TATDN1: variants seen among roughly 807,000 people sequenced by gnomAD.
TATDN1 encodes deoxyribonuclease TATDN1.
In TATDN1, 40 loss-of-function variants were observed where a neutral mutation model predicts 46.4. The ratio of observed to expected loss-of-function variants is 0.86; its 90% CI spans 0.67 to 1.12. TATDN1 has a LOEUF of 1.12. TATDN1 is among the 50% of genes most tolerant of loss of function. The pLI is 0.00. For synonymous variants in TATDN1, 95 were observed against 105.6 expected (o/e 0.90, Z 0.62); for missense variants, 326 against 348.4 (o/e 0.94, Z 0.51).
At chr8:124,538,736 G>A (rs946199614) in intron 1 of TATDN1, among the ~76,000 whole-genome samples, 2 of 152,200 alleles carry the variant, frequency 1.3e-5, no homozygotes, top group Non-Finnish European at 2.9e-5. Flanking sequence ...CCTTTTTGGA[G>A]TTTTCTTCTT....
intron 1 of TATDN1, among the ~76,000 whole-genome samples, chr8:124,538,021 T>A (rs1821625850): frequency 6.6e-6 from 1 of 152,186 alleles, no homozygotes; most frequent in Admixed American, 6.5e-5. Context: ...CCAGACCACA[T>A]TCCCAATTGC....
intron 1 of TATDN1, among the ~76,000 whole-genome samples, chr8:124,531,387 C>A (rs570756197): frequency 2.6e-5 from 4 of 152,130 alleles, no homozygotes; most frequent in Non-Finnish European, 5.9e-5. Flanking sequence ...TTTCAATGAT[C>A]CCATTAGACT....
intron 6 of TATDN1, among the ~76,000 whole-genome samples, chr8:124,509,468 C>A (rs1353895214): frequency 6.6e-6 from 1 of 152,190 alleles, no homozygotes; most frequent in Non-Finnish European, 1.5e-5. Flanking sequence ...AACGAATGTT[C>A]ATTCTGTTTG....
At position 124,493,824 on chromosome 8, in the gene TATDN1, A is replaced by C. The variant is rs201137773; in HGVS notation, c.791+9T>G. The C allele has an allele frequency of 6.8e-5, 108 of 1,589,502 alleles. No individual in the cohort carries two copies. Among genetic ancestry groups the C allele is most frequent in the Non-Finnish European group, 8.9e-5 (105 of 1,173,294 alleles). The stretch of plus-strand genomic sequence containing the variant: ...ATGATTTTGAAGACCATGAAAGCAA[A>C]ATACTCACATTATATGGCAGGGTTC... On this transcript the variant is annotated intron_variant, in intron 11 of 11. Coordinates refer to ENST00000276692, the MANE Select transcript of TATDN1 (RefSeq NM_032026.4).
intron 8 of TATDN1, among the ~76,000 whole-genome samples, chr8:124,506,334 CA>C (rs56023168): frequency 2.1e-3 from 110 of 52,522 alleles, no homozygotes; most frequent in South Asian, 5.3e-3. Flanking sequence ...GGCTCTGTCT[CA>C]AAAAAAAAAA....
At chr8:124,530,080 G>A (rs1342362751) in intron 1 of TATDN1, among the ~76,000 whole-genome samples, 2 of 149,390 alleles carry the variant, frequency 1.3e-5, no homozygotes, top group African/African-American at 2.5e-5. Flanking sequence ...AACAGGCCAA[G>A]ACTCAGTCTC....
intron 11 of TATDN1, among the ~76,000 whole-genome samples, chr8:124,491,975 CTTT>C (rs374261084): frequency 3.7e-5 from 5 of 136,518 alleles, no homozygotes; most frequent in Non-Finnish European, 4.8e-5. Context: ...CTTCACAGTT[CTTT>C]TTTTTTTTTT....
chr8:124,528,037 C>T lies in TATDN1; in HGVS notation c.23-5035G>A, dbSNP rs1820648206. On this transcript the variant is annotated intron_variant, in intron 1 of 11. Transcript: ENST00000276692. ...GTTAAGAAAGAAAGTATGATGGAGA[C>T]TATGAATATGACAAACACTTAGCAG... Among the ~76,000 whole-genome samples, 3 of 152,280 alleles carry T rather than the reference C, an allele frequency of 2.0e-5. No homozygotes were observed. In the South Asian group the frequency reaches 6.2e-4, roughly 32 times the overall value.
intron 9 of TATDN1, among the ~76,000 whole-genome samples, chr8:124,502,364 G>A (rs1818048395): frequency 6.6e-6 from 1 of 151,584 alleles, no homozygotes; most frequent in Non-Finnish European, 1.5e-5. Context: ...AAAAAGTGGG[G>A]TTCTCTCCCC....
At chr8:124,514,949 G>A (rs1262482088) in intron 6 of TATDN1, among the ~76,000 whole-genome samples, 1 of 152,020 alleles carries the variant, frequency 6.6e-6, no homozygotes, top group Non-Finnish European at 1.5e-5. Flanking sequence ...TACTTTTGTG[G>A]GTTTTTTCTT....
chr8:124,515,495 T>A (rs1228523204), intron 6 of TATDN1, among the ~76,000 whole-genome samples: 1 of 152,224 alleles, frequency 6.6e-6, no homozygotes, highest in African/African-American at 2.4e-5. Flanking sequence ...ATCTCTATCA[T>A]GTAAAACTCA....
intron 1 of TATDN1, among the ~76,000 whole-genome samples, chr8:124,533,620 AGG>A (rs1252541846): frequency 6.6e-6 from 1 of 152,126 alleles, no homozygotes; most frequent in Non-Finnish European, 1.5e-5. Flanking sequence ...TTGTTTTTCC[AGG>A]GCTGGTTTCT....
chr8:124,527,522 A>C (rs1694039525), intron 1 of TATDN1, among the ~76,000 whole-genome samples: 1 of 151,988 alleles, frequency 6.6e-6, no homozygotes, highest in Non-Finnish European at 1.5e-5. Context: ...TAACGCTTAC[A>C]AAAAAAGTCT....
At chr8:124,518,233 A>T (rs1388368128) in intron 4 of TATDN1, among the ~76,000 whole-genome samples, 1 of 135,506 alleles carries the variant, frequency 7.4e-6, no homozygotes, top group East Asian at 2.4e-4. Context: ...AAAAAAAAAA[A>T]AAAAAAAAAG....
chr8:124,520,479 C>T (rs895550041), intron 3 of TATDN1, among the ~76,000 whole-genome samples: 1 of 151,598 alleles, frequency 6.6e-6, no homozygotes, highest in Non-Finnish European at 1.5e-5. Context: ...GGAAAACTTT[C>T]TTGTTACTAA....
intron 9 of TATDN1, among the ~76,000 whole-genome samples, chr8:124,502,100 C>T (rs997916609): frequency 1.3e-5 from 2 of 151,832 alleles, no homozygotes; most frequent in African/African-American, 2.4e-5. Context: ...TTTGGGAGGC[C>T]GAGACGGGCA....
chr8:124,499,613 G>A (rs761713510), intron 9 of TATDN1, among the ~76,000 whole-genome samples: 2 of 151,728 alleles, frequency 1.3e-5, no homozygotes, highest in Non-Finnish European at 2.9e-5. Flanking sequence ...GGGTGATCTC[G>A]GCTCTCTGCA....
intron 1 of TATDN1, among the ~76,000 whole-genome samples, chr8:124,530,986 A>G (rs960131463): frequency 2.6e-5 from 4 of 152,144 alleles, no homozygotes; most frequent in South Asian, 4.1e-4. Context: ...GTCAATCTCT[A>G]TAACTTAGCA....
chr8:124,526,378 C>T (rs1258349976), intron 1 of TATDN1, among the ~76,000 whole-genome samples: 3 of 152,178 alleles, frequency 2.0e-5, no homozygotes, highest in Non-Finnish European at 2.9e-5. Context: ...AGACATAAGC[C>T]TATTGGCATG....
Sources: allele counts gnomAD v4.1 joint callset (sites outside exome capture counted in the v4.1 genomes callset), GRCh38; gene constraint gnomAD v4.1.1; transcripts MANE v1.5; gene names NCBI Gene and HGNC (gene_info 2026-07-23, HGNC 2026-07-21).